Variants in SRGAP3 observed in about 807,000 individuals in gnomAD.
The protein encoded by SRGAP3 is SLIT-ROBO Rho GTPase-activating protein 3.
A neutral mutation model predicts 121.1 loss-of-function variants in SRGAP3; 39 were observed. That is an observed-to-expected ratio of 0.32 (90% CI 0.25 to 0.42). SRGAP3 has a LOEUF of 0.42. Ranked by LOEUF, SRGAP3 falls within the 10% of genes least tolerant of loss-of-function variation. The probability of loss-of-function intolerance (pLI) is 1.00; values close to 1 mark genes in which losing one functional copy is unlikely to be tolerated. For synonymous variants in SRGAP3, 601 were observed against 570.0 expected (o/e 1.05, Z -0.77); for missense variants, 1,213 against 1,470.6 (o/e 0.82, Z 2.86).
At chr3:9,077,429 G>C (rs1355687969) in intron 4 of SRGAP3, among the ~76,000 whole-genome samples, 1 of 152,168 alleles carries the variant, frequency 6.6e-6, no homozygotes, top group Admixed American at 6.5e-5. Flanking sequence ...GGCAACAAAT[G>C]ATCGAATTTA....
chr3:8,998,124 A>G (rs1382200544), intron 18 of SRGAP3, among the ~76,000 whole-genome samples: 1 of 152,126 alleles, frequency 6.6e-6, no homozygotes, highest in Non-Finnish European at 1.5e-5. Context: ...TCTGGACTCG[A>G]GTGATCCTCC....
intron 1 of SRGAP3, among the ~76,000 whole-genome samples, chr3:9,246,380 C>T (rs1953824805): frequency 6.6e-6 from 1 of 152,114 alleles, no homozygotes; most frequent in African/African-American, 2.4e-5. Flanking sequence ...GCAACAAAGG[C>T]AACGGGATGA....
chr3:9,165,164 C>T lies in SRGAP3; in HGVS notation c.68-40247G>A, dbSNP rs549802840. On this transcript the variant is annotated intron_variant, in intron 1 of 21. Transcript: ENST00000383836. The stretch of plus-strand genomic sequence containing the variant: ...GCCACATTCAGAGGAAAAAAGGGGG[C>T]CCCCCAGTGGAGGCCTATCTTCCTG... Among the ~76,000 whole-genome samples the T allele has an allele frequency of 3.9e-5, 6 of 152,304 alleles. No homozygotes were observed. In the South Asian group the frequency reaches 6.2e-4, roughly 16 times the overall value.
chr3:9,214,120 A>ACACACACACACACACACACACACATG (rs1553692738), intron 1 of SRGAP3, among the ~76,000 whole-genome samples: 28 of 142,910 alleles, frequency 2.0e-4, no homozygotes, highest in Non-Finnish European at 2.3e-4. Flanking sequence ...CACCTCCAAC[A>ACACACACACACACACACACACACATG]CACACACACA....
intron 1 of SRGAP3, among the ~76,000 whole-genome samples, chr3:9,186,945 C>A (rs1367335309): frequency 6.6e-6 from 1 of 152,094 alleles, no homozygotes; most frequent in Non-Finnish European, 1.5e-5. Flanking sequence ...TTTCCTTCAG[C>A]AAAAAGTTTT....
At chr3:9,187,900 A>C (rs1951647642) in intron 1 of SRGAP3, among the ~76,000 whole-genome samples, 1 of 152,172 alleles carries the variant, frequency 6.6e-6, no homozygotes. Flanking sequence ...CAGAAACAGA[A>C]ACCAGGTTCA....
intron 10 of SRGAP3, among the ~76,000 whole-genome samples, chr3:9,041,601 C>T (rs1157619017): frequency 1.3e-5 from 2 of 152,206 alleles, no homozygotes. Context: ...TCTTCATTGC[C>T]TGTCTAGTAC....
At chr3:9,111,935 T>G (rs1472181174) in intron 2 of SRGAP3, among the ~76,000 whole-genome samples, 1 of 152,228 alleles carries the variant, frequency 6.6e-6, no homozygotes, top group African/African-American at 2.4e-5. Context: ...TATTTTCTTT[T>G]TTTATGGCCA....
intron 4 of SRGAP3, among the ~76,000 whole-genome samples, chr3:9,076,856 G>C (rs575517232): frequency 1.1e-4 from 17 of 152,094 alleles, no homozygotes; most frequent in African/African-American, 4.1e-4. Flanking sequence ...GCTCACAGGC[G>C]AGTTACACAG....
intron 1 of SRGAP3, among the ~76,000 whole-genome samples, chr3:9,175,566 C>A: frequency 6.6e-6 from 1 of 152,236 alleles, no homozygotes; most frequent in East Asian, 1.9e-4. Context: ...CAGGGAAAGG[C>A]TGGTCTGCTA....
intron 14 of SRGAP3, among the ~76,000 whole-genome samples, chr3:9,024,964 G>GTGGTGCTGGTGC (rs552092012): frequency 1.1e-3 from 168 of 152,238 alleles, no homozygotes; most frequent in African/African-American, 3.9e-3. Context: ...AACAGTGGTG[G>GTGGTGCTGGTGC]TGGTGCTGGT....
chr3:9,185,772 A>C (rs116421144), intron 1 of SRGAP3, among the ~76,000 whole-genome samples: 52 of 152,148 alleles, frequency 3.4e-4, no homozygotes, highest in South Asian at 1.7e-3. Flanking sequence ...CCTGGGCGTA[A>C]GTGATCCTCC....
At chr3:9,237,609 A>G (rs1340538095) in intron 1 of SRGAP3, among the ~76,000 whole-genome samples, 3 of 152,258 alleles carry the variant, frequency 2.0e-5, no homozygotes, top group African/African-American at 2.4e-5. Context: ...TCAAGTGGCA[A>G]TCCAGGGCAA....
chr3:9,175,084 C>T (rs891757515), intron 1 of SRGAP3, among the ~76,000 whole-genome samples: 1 of 152,122 alleles, frequency 6.6e-6, no homozygotes, highest in Non-Finnish European at 1.5e-5. Flanking sequence ...GAACACAGGC[C>T]CTGTCAGCCA....
chr3:9,175,298 T>A (rs1022240524), intron 1 of SRGAP3, among the ~76,000 whole-genome samples: 48 of 152,198 alleles, frequency 3.2e-4, no homozygotes, highest in African/African-American at 1.2e-3. Flanking sequence ...TTTCTTATGG[T>A]TTCTTCTGCA....
intron 1 of SRGAP3, among the ~76,000 whole-genome samples, chr3:9,350,969 G>T (rs1034775087): frequency 1.3e-5 from 2 of 152,162 alleles, no homozygotes; most frequent in Non-Finnish European, 2.9e-5. Flanking sequence ...ACCTAGGCTT[G>T]CTCATGTGAC....
chr3:9,282,086 G>A (rs184836073), intron 3 of SRGAP3, among the ~76,000 whole-genome samples: 2 of 152,220 alleles, frequency 1.3e-5, no homozygotes, highest in Admixed American at 6.5e-5. Flanking sequence ...GACATAAACC[G>A]ACCATTCAAC....
rs189268498 is a variant in SRGAP3 at position 9,047,341 on chromosome 3, G to C, written c.1408+50C>G. ...AACACGTCAGGGGGCCACAGTGAGA[G>C]CCAGTGGGGAACGCAGCACCTCCCA... On this transcript the variant is annotated intron_variant, in intron 10 of 21. Coordinates refer to ENST00000383836, the MANE Select transcript of SRGAP3 (RefSeq NM_014850.4). 3.0e-4 allele frequency: 465 copies of C among 1,575,480 alleles called. 2 individuals carry two copies. The African/African-American group carries it at 4.8e-3, about 16-fold the overall frequency.
intron 1 of SRGAP3, among the ~76,000 whole-genome samples, chr3:9,221,564 A>G (rs988048030): frequency 1.3e-5 from 2 of 152,064 alleles, no homozygotes; most frequent in Admixed American, 6.6e-5. Context: ...ATATGAAAAA[A>G]TTTTTTAAAT....
Sources: gnomAD v4.1 joint callset for allele counts (sites outside exome capture counted in the v4.1 genomes callset) on GRCh38, gnomAD v4.1.1 for gene constraint, MANE v1.5 for transcripts, NCBI Gene and HGNC (gene_info 2026-07-23, HGNC 2026-07-21) for gene names.